MACROD2: variants seen among roughly 807,000 people sequenced by gnomAD.
The protein encoded by MACROD2 is mono-ADP ribosylhydrolase 2, also known as ADP-ribose glycohydrolase MACROD2.
A neutral mutation model predicts 70.4 loss-of-function variants in MACROD2; 36 were observed. That is an observed-to-expected ratio of 0.51 (90% CI 0.39 to 0.68). The LOEUF (loss-of-function observed/expected upper bound fraction) is 0.68, where lower values mean the gene tolerates loss of function less well. Among genes scored for constraint, MACROD2 ranks in the 30% least tolerant of loss-of-function variants. The pLI is 0.00. For missense variants in MACROD2, 496 were observed against 538.4 expected (o/e 0.92, Z 0.78); for synonymous variants, 172 against 178.8 (o/e 0.96, Z 0.30).
At chr20:14,174,653 G>T (rs2081249036) in intron 3 of MACROD2, among the ~76,000 whole-genome samples, 1 of 152,184 alleles carries the variant, frequency 6.6e-6, no homozygotes, top group Admixed American at 6.5e-5. Flanking sequence ...CTTCTGTGCT[G>T]TGTCTATACA....
intron 3 of MACROD2, among the ~76,000 whole-genome samples, chr20:14,475,782 T>C (rs2084585936): frequency 6.6e-6 from 1 of 152,060 alleles, no homozygotes; most frequent in Admixed American, 6.5e-5. Context: ...TTCCCTTATA[T>C]GTTATTTGCT....
chr20:15,937,020 C>G lies in MACROD2; in HGVS notation c.839-456C>G, dbSNP rs557728388. 2.6e-5 allele frequency among the ~76,000 whole-genome samples: 4 copies of G among 152,254 alleles called. No homozygotes were observed. In the South Asian group the frequency reaches 8.3e-4, roughly 32 times the overall value. On this transcript the variant is annotated intron_variant, in intron 11 of 17. Coordinates refer to ENST00000684519, the MANE Select transcript of MACROD2 (RefSeq NM_001351661.2). The stretch of plus-strand genomic sequence containing the variant: ...GCCTCTGTGCTGACAGCCATCAGAG[C>G]TGCTCCCTGCAGTTTGACAGCCTGG...
chr20:14,191,068 C>T (rs2081384097), intron 3 of MACROD2, among the ~76,000 whole-genome samples: 2 of 151,988 alleles, frequency 1.3e-5, no homozygotes, highest in Admixed American at 1.3e-4. Flanking sequence ...TTTTTTAAAT[C>T]TCAGAGGCAC....
chr20:14,860,300 C>G (rs2073300354), intron 5 of MACROD2, among the ~76,000 whole-genome samples: 1 of 151,676 alleles, frequency 6.6e-6, no homozygotes, highest in South Asian at 2.1e-4. Context: ...TGAGGGGGAA[C>G]AGGACAAAAA....
chr20:15,707,421 T>A (rs942215784), intron 8 of MACROD2, among the ~76,000 whole-genome samples: 8 of 152,152 alleles, frequency 5.3e-5, no homozygotes, highest in African/African-American at 1.9e-4. Context: ...ACTGGGAATA[T>A]GGTGATTAAT....
At chr20:14,180,066 C>G (rs2081293896) in intron 3 of MACROD2, among the ~76,000 whole-genome samples, 1 of 152,136 alleles carries the variant, frequency 6.6e-6, no homozygotes, top group African/African-American at 2.4e-5. Context: ...ACCCATTAAA[C>G]AATAACTTTC....
intron 5 of MACROD2, among the ~76,000 whole-genome samples, chr20:14,944,345 T>C (rs978451826): frequency 6.6e-6 from 1 of 152,214 alleles, no homozygotes; most frequent in African/African-American, 2.4e-5. Context: ...CCTGGGACAG[T>C]ATCTTCAACA....
intron 8 of MACROD2, among the ~76,000 whole-genome samples, chr20:15,667,499 G>GTATCTATCTATC (rs76898460): frequency 0.027 from 4,021 of 150,344 alleles, 71 homozygotes; most frequent in Admixed American, 0.04. Context: ...ATCTATCTAT[G>GTATCTATCTATC]TATCTATCTA....
At chr20:15,277,783 G>A (rs1421570925) in intron 6 of MACROD2, among the ~76,000 whole-genome samples, 1 of 152,148 alleles carries the variant, frequency 6.6e-6, no homozygotes, top group Non-Finnish European at 1.5e-5. Context: ...CTCAGAAAAA[G>A]GAAGGAATTG....
At chr20:14,579,580 GTTGA>G (rs1482932545) in intron 4 of MACROD2, among the ~76,000 whole-genome samples, 1 of 152,064 alleles carries the variant, frequency 6.6e-6, no homozygotes, top group Non-Finnish European at 1.5e-5. Context: ...TACATTTTTT[GTTGA>G]TTATCACATT....
intron 2 of MACROD2, among the ~76,000 whole-genome samples, chr20:14,050,144 C>G (rs1193992337): frequency 1.3e-5 from 2 of 151,506 alleles, no homozygotes; most frequent in Non-Finnish European, 2.9e-5. Context: ...TTCCCTTCCT[C>G]GCTTCCTCAT....
intron 4 of MACROD2, among the ~76,000 whole-genome samples, chr20:14,505,534 G>A (rs1247470420): frequency 6.6e-6 from 1 of 152,144 alleles, no homozygotes; most frequent in African/African-American, 2.4e-5. Flanking sequence ...CTTGAACAGG[G>A]AGAAGAACTC....
intron 5 of MACROD2, among the ~76,000 whole-genome samples, chr20:14,874,030 T>A (rs1568847936): frequency 6.6e-6 from 1 of 152,120 alleles, no homozygotes; most frequent in Non-Finnish European, 1.5e-5. Flanking sequence ...TGCAATCTGT[T>A]AAAAGTAAAG....
At chr20:15,096,709 A>C (rs902884607) in intron 5 of MACROD2, among the ~76,000 whole-genome samples, 68 of 151,378 alleles carry the variant, frequency 4.5e-4, no homozygotes, top group Non-Finnish European at 8.1e-4. Context: ...ACAAGCTTTC[A>C]CCATGTTGAC....
intron 5 of MACROD2, among the ~76,000 whole-genome samples, chr20:15,024,294 C>T (rs1426195183): frequency 1.3e-5 from 2 of 151,920 alleles, no homozygotes; most frequent in East Asian, 1.9e-4. Context: ...TTTATAGTCT[C>T]CATCCAGATG....
chr20:15,299,579 T>A (rs1329907159), intron 6 of MACROD2, among the ~76,000 whole-genome samples: 1 of 152,186 alleles, frequency 6.6e-6, no homozygotes, highest in Non-Finnish European at 1.5e-5. Flanking sequence ...TGCCAAAAAA[T>A]ATGCATTTTG....
At chr20:14,900,252 G>A (rs901911113) in intron 5 of MACROD2, among the ~76,000 whole-genome samples, 3 of 152,018 alleles carry the variant, frequency 2.0e-5, no homozygotes, top group Non-Finnish European at 4.4e-5. Flanking sequence ...TATTCATAGG[G>A]GATATTAGCC....
At chr20:15,391,804 C>T (rs542524684) in intron 6 of MACROD2, among the ~76,000 whole-genome samples, 2 of 152,220 alleles carry the variant, frequency 1.3e-5, no homozygotes, top group Admixed American at 6.5e-5. Flanking sequence ...TTTAGGCCAC[C>T]GTTGAAGGGC....
At chr20:15,510,197 A>G (rs1468188506) in intron 8 of MACROD2, among the ~76,000 whole-genome samples, 1 of 152,234 alleles carries the variant, frequency 6.6e-6, no homozygotes, top group Non-Finnish European at 1.5e-5. Context: ...ATGATGTGAC[A>G]TTTTTATAAA....
Sources: gnomAD v4.1 joint callset for allele counts (sites outside exome capture counted in the v4.1 genomes callset) on GRCh38, gnomAD v4.1.1 for gene constraint, MANE v1.5 for transcripts, NCBI Gene and HGNC (gene_info 2026-07-23, HGNC 2026-07-21) for gene names.